Variants in MICAL3 observed in about 807,000 individuals in gnomAD.
MICAL3 encodes the protein microtubule associated monooxygenase, calponin and LIM domain containing 3, also known as [F-actin]-monooxygenase MICAL3.
Under a neutral mutation model 207.4 loss-of-function variants are expected in MICAL3, and 62 were observed. That is an observed-to-expected ratio of 0.30 (90% CI 0.24 to 0.37). The LOEUF is 0.37. Among genes scored for constraint, MICAL3 ranks in the 10% least tolerant of loss-of-function variants. The pLI, the probability that MICAL3 is intolerant of heterozygous loss-of-function variation, is 1.00. For missense variants in MICAL3, 2,368 were observed against 2,635.6 expected (o/e 0.90, Z 2.22); for synonymous variants, 1,077 against 1,069.3 (o/e 1.01, Z -0.14).
At chr22:17,811,869 C>A (rs138226625) in intron 27 of MICAL3, among the ~76,000 whole-genome samples, 1 of 152,154 alleles carries the variant, frequency 6.6e-6, no homozygotes, top group Non-Finnish European at 1.5e-5. Context: ...CTCAGCCTCC[C>A]GAGTAGTCAG....
chr22:17,934,284 G>T (rs1933410835), intron 1 of MICAL3, among the ~76,000 whole-genome samples: 1 of 152,154 alleles, frequency 6.6e-6, no homozygotes, highest in African/African-American at 2.4e-5. Flanking sequence ...TCATTCCTAG[G>T]ATGCAAGGCT....
chr22:17,901,975 T>C lies in MICAL3; in HGVS notation c.594A>G (p.Ile198Met). ...TGGGGTGCACCAGTGCCCGCCAGCC[T>C]ATCCCTGTGAACCAAAACCAAATAA... ...QPPEDQENERIGWRALVHPKT... is the reference protein window; with the variant it reads ...QPPEDQENERMGWRALVHPKT... The change falls in exon 5 of 32, where the codon ATA becomes ATG. Residue 198 changes from isoleucine to methionine, a missense_variant. Around this residue, in one of 4 missense-constraint regions of MICAL3, gnomAD observed 400 missense variants for 547.0 expected, o/e 0.73. Transcript: ENST00000441493. The C allele has an allele frequency of 6.2e-7, 1 of 1,612,342 alleles. No individual in the cohort carries two copies. The highest frequency in any genetic ancestry group is 8.5e-7 in the Non-Finnish European group (1 of 1,179,210).
intron 26 of MICAL3, 62 bp downstream of exon 26, chr22:17,817,249 G>A: frequency 6.8e-7 from 1 of 1,472,322 alleles, no homozygotes; most frequent in South Asian, 1.4e-5. Context: ...GAGCCCCAGT[G>A]ACCCCAGCCC....
chr22:17,794,655 C>G (rs1415212259), intron 29 of MICAL3, among the ~76,000 whole-genome samples: 3 of 152,180 alleles, frequency 2.0e-5, no homozygotes, highest in Non-Finnish European at 4.4e-5. Context: ...TGTGCAGGGA[C>G]CCCATGCTGC....
intron 29 of MICAL3, among the ~76,000 whole-genome samples, chr22:17,801,606 G>C (rs2061940203): frequency 6.6e-6 from 1 of 152,122 alleles, no homozygotes; most frequent in African/African-American, 2.4e-5. Context: ...GAAAGCAGGA[G>C]ATGCGGGCTG....
intron 1 of MICAL3, among the ~76,000 whole-genome samples, chr22:17,931,378 G>C (rs1019586901): frequency 6.6e-6 from 1 of 152,354 alleles, no homozygotes; most frequent in East Asian, 1.9e-4. Flanking sequence ...CCAGCAGCCT[G>C]TGAATGGAAT....
At chr22:17,938,811 T>C (rs1000334087) in intron 1 of MICAL3, among the ~76,000 whole-genome samples, 2 of 152,148 alleles carry the variant, frequency 1.3e-5, no homozygotes, top group African/African-American at 4.8e-5. Flanking sequence ...AAAAACCATC[T>C]GGGTAACACG....
chr22:17,954,554 G>C (rs756678738), intron 1 of MICAL3, among the ~76,000 whole-genome samples: 10 of 152,166 alleles, frequency 6.6e-5, no homozygotes, highest in Non-Finnish European at 1.3e-4. Context: ...TGCTAAAACT[G>C]GATTTTCCAA....
At chr22:17,951,051 T>C (rs116551807) in intron 1 of MICAL3, among the ~76,000 whole-genome samples, 1,728 of 152,288 alleles carry the variant, frequency 0.011, 41 homozygotes, top group African/African-American at 0.04. Context: ...AAAGCACTGC[T>C]CTCTCCAACT....
At chr22:17,968,438 CCA>C (rs1935251066) in intron 1 of MICAL3, among the ~76,000 whole-genome samples, 1 of 152,172 alleles carries the variant, frequency 6.6e-6, no homozygotes, top group South Asian at 2.1e-4. Flanking sequence ...CGCCAGAGCT[CCA>C]CAGTCGCAGA....
In MICAL3 at chr22:17,865,965, C is replaced by T. The variant is rs56248467; in HGVS notation, c.2476G>A (p.Ala826Thr). 12 of 1,613,842 alleles carry T rather than the reference C, an allele frequency of 7.4e-6. No homozygotes were observed. Among genetic ancestry groups the T allele is most frequent in the Non-Finnish European group, 9.3e-6 (11 of 1,179,846 alleles). The change falls in exon 18 of 32, where the codon GCA (alanine) becomes ACA (threonine). Residue 826 changes from alanine to threonine, a missense_variant. By Grantham distance (58) the Ala-to-Thr change is moderately conservative (BLOSUM62 0). This residue lies in a region of MICAL3 where 1,770 missense variants were observed against 1,863.2 expected (regional missense o/e 0.95). Transcript: ENST00000441493. ...GCCACTGCCGGTCTCTTCCTTTGTG[C>T]GTAGCCAGAGAGTCGATAGCAGTAG... ...PHYCYRLSGY[A>T]QRKRPAVAPL...
At chr22:17,845,792 C>T (rs1042880330) in intron 19 of MICAL3, among the ~76,000 whole-genome samples, 1 of 152,224 alleles carries the variant, frequency 6.6e-6, no homozygotes, top group East Asian at 1.9e-4. Context: ...CCCCTTTGGG[C>T]ATCTTCACCA....
chr22:17,899,066 A>G (rs1931107212), intron 7 of MICAL3, among the ~76,000 whole-genome samples: 2 of 152,342 alleles, frequency 1.3e-5, no homozygotes, highest in South Asian at 4.1e-4. Context: ...CACAATAACC[A>G]CAAACCAAAT....
intron 1 of MICAL3, among the ~76,000 whole-genome samples, chr22:17,945,455 G>A (rs543027332): frequency 6.6e-6 from 1 of 152,306 alleles, no homozygotes; most frequent in Non-Finnish European, 1.5e-5. Context: ...TGTGGGAGTA[G>A]GAGAGGCACC....
chr22:17,860,793 C>T (rs1926436855), intron 19 of MICAL3: 4 of 984,138 alleles, frequency 4.1e-6, no homozygotes, highest in Non-Finnish European at 3.6e-6. Context: ...CACCTCCTTA[C>T]AGGCGTGCTG....
intron 9 of MICAL3, among the ~76,000 whole-genome samples, chr22:17,895,971 T>A (rs1274242530): frequency 1.3e-5 from 2 of 152,172 alleles, no homozygotes; most frequent in Non-Finnish European, 2.9e-5. Context: ...CAGTTTGGTG[T>A]TTTCCTATGA....
chr22:17,953,963 A>G (rs9605450), intron 1 of MICAL3, among the ~76,000 whole-genome samples: 10,446 of 130,366 alleles, frequency 0.08, 1,101 homozygotes, highest in African/African-American at 0.24. Context: ...AAAAAAAAAA[A>G]AAAAGAAAAG....
At position 17,792,965 on chromosome 22, in the gene MICAL3, G is replaced by A. The variant is rs943823218; in HGVS notation, c.5651-1664C>T. On this transcript the variant is annotated intron_variant, in intron 29 of 31. Coordinates refer to ENST00000441493, the MANE Select transcript of MICAL3 (RefSeq NM_015241.3). ...CATGGCCGTGGAGGAGGGGCCCGAGGCATGCAAGCTGTCCAGTGCGCCCGG... is the reference window on the plus strand; with the variant it reads ...CATGGCCGTGGAGGAGGGGCCCGAGACATGCAAGCTGTCCAGTGCGCCCGG... Among the ~76,000 whole-genome samples the A allele has an allele frequency of 3.9e-5, 6 of 152,372 alleles. No individual in the cohort carries two copies. The East Asian group carries it at 7.7e-4, about 20-fold the overall frequency.
chr22:17,968,696 T>C (rs1192436403), intron 1 of MICAL3, among the ~76,000 whole-genome samples: 2 of 151,938 alleles, frequency 1.3e-5, no homozygotes, highest in African/African-American at 4.8e-5. Context: ...GAAAGGCCGG[T>C]TCCACACTTT....
Sources: gnomAD v4.1 joint callset for allele counts (sites outside exome capture counted in the v4.1 genomes callset) on GRCh38, gnomAD v4.1.1 for gene constraint, gnomAD v4.1.1 regional missense constraint, MANE v1.5 for transcripts, NCBI Gene and HGNC (gene_info 2026-07-23, HGNC 2026-07-21) for gene names.